The following TRMT9B variants were observed in gnomAD, a reference collection of about 807,000 sequenced individuals.
The protein encoded by TRMT9B is probable tRNA methyltransferase 9B.
In TRMT9B, 16 loss-of-function variants were observed where a neutral mutation model predicts 11.5. That is an observed-to-expected ratio of 1.39 (90% CI 0.94 to 2.11). TRMT9B has a LOEUF of 2.11. Among genes scored for constraint, TRMT9B ranks in the 30% most tolerant of loss-of-function variants. The probability of loss-of-function intolerance (pLI) is 0.00; values close to 1 mark genes in which losing one functional copy is unlikely to be tolerated. For missense variants in TRMT9B, 941 were observed against 553.8 expected, an observed-to-expected ratio of 1.70 and a Z score of -7.02; for synonymous variants, 274 against 192.4, an observed-to-expected ratio of 1.42 and a Z score of -3.51.
rs34578022 is a variant in TRMT9B at position 12,976,368 on chromosome 8, CT to C, written c.-199-14454del. ...GTAATAGGGCATTGTTTATGCTTTA[CT>C]TTTTTTTTTTTCACTATAAAGTGAA... On this transcript the variant is annotated intron_variant, in intron 1 of 4. Transcript: ENST00000524591. 6.5e-3 allele frequency among the ~76,000 whole-genome samples: 973 copies of C among 149,530 alleles called. 10 individuals carry two copies. The highest frequency in any genetic ancestry group is 0.021 in the African/African-American group (860 of 40,726).
Position 13,012,830 on chromosome 8 carries a change from G to T in TRMT9B, c.301G>T (p.Gly101Cys). 1 of 1,613,848 alleles carries T rather than the reference G, an allele frequency of 6.2e-7. No homozygotes were observed. Among genetic ancestry groups the T allele is most frequent in the East Asian group, 2.2e-5 (1 of 44,858 alleles). ...CCTTAATCTCCCCTTTAGGGATGAG[G>T]GCTTCGATGCCATCATCTCCATAGG... ...DNLNLPFRDE[G>C]FDAIISIGVI... The change falls in exon 4 of 5, where the codon GGC becomes TGC. Residue 101 changes from glycine (G) to cysteine (C), a missense_variant. By Grantham distance (159) the Gly-to-Cys change is radical (BLOSUM62 -3). Coordinates refer to ENST00000524591, the MANE Select transcript of TRMT9B (RefSeq NM_020844.3).
At chr8:13,003,935 A>G (rs1189564662) in intron 2 of TRMT9B, among the ~76,000 whole-genome samples, 1 of 151,404 alleles carries the variant, frequency 6.6e-6, no homozygotes, top group Non-Finnish European at 1.5e-5. Context: ...TGCCCATGCC[A>G]TCCCTCCTCC....
intron 1 of TRMT9B, among the ~76,000 whole-genome samples, chr8:12,971,400 G>A (rs1205757129): frequency 6.6e-6 from 1 of 152,126 alleles, no homozygotes; most frequent in Non-Finnish European, 1.5e-5. Context: ...TCCCGGTACA[G>A]CATTTTTTCA....
intron 1 of TRMT9B, chr8:12,960,580 G>A (rs1451057403): frequency 6.6e-6 from 1 of 152,136 alleles, no homozygotes; most frequent in Non-Finnish European, 1.5e-5. Flanking sequence ...TAGGTGAATG[G>A]ATAAACAAAT....
chr8:13,013,143 C>T (rs150758823), intron 4 of TRMT9B, among the ~76,000 whole-genome samples: 3 of 152,154 alleles, frequency 2.0e-5, no homozygotes, highest in African/African-American at 4.8e-5. Flanking sequence ...GAATCTTACT[C>T]ATTGAAAATA....
In TRMT9B at chr8:13,027,297, T is replaced by C. The variant is rs1470641114; in HGVS notation, c.*5253T>C. 6.0e-6 allele frequency: 1 copy of C among 167,034 alleles called. No homozygotes were observed. The highest frequency in any genetic ancestry group is 1.5e-5 in the Non-Finnish European group (1 of 68,134). 10.3% of individuals were successfully genotyped at this position (167,034 alleles called of 1,614,324 possible). A position where few individuals can be genotyped will look rare whatever the true frequency, so the allele number is the denominator to read the frequency against. ...TTCTTCGTATTCCCTGTGTGCCTATTACCAAGTTATATTGTTTAGTTTGAG... is the reference window on the plus strand; with the variant it reads ...TTCTTCGTATTCCCTGTGTGCCTATCACCAAGTTATATTGTTTAGTTTGAG... On this transcript the variant is annotated 3_prime_UTR_variant, in exon 5 of 5. Coordinates refer to ENST00000524591, the MANE Select transcript of TRMT9B (RefSeq NM_020844.3).
chr8:12,988,314 T>A (rs1334828007), intron 1 of TRMT9B, among the ~76,000 whole-genome samples: 1 of 152,198 alleles, frequency 6.6e-6, no homozygotes, highest in African/African-American at 2.4e-5. Flanking sequence ...ATAAGGGGTA[T>A]TGACATTGTG....
At chr8:12,981,483 G>T (rs1378366714) in intron 1 of TRMT9B, among the ~76,000 whole-genome samples, 1 of 152,200 alleles carries the variant, frequency 6.6e-6, no homozygotes. Flanking sequence ...TAGGACTTGA[G>T]TGTGACGGCA....
Position 13,006,186 on chromosome 8 carries a change from G to C in TRMT9B, c.-1-16G>C. 1.9e-6 allele frequency: 3 copies of C among 1,613,240 alleles called. No homozygotes were observed. The highest frequency in any genetic ancestry group is 2.5e-6 in the Non-Finnish European group (3 of 1,179,466). Reference sequence around the variant, plus strand: ...AGGCTGACCTGCATGCCTTGGGTTGGTCCTGTTTTCTCCAGGATGGATCAT... The same window carrying C: ...AGGCTGACCTGCATGCCTTGGGTTGCTCCTGTTTTCTCCAGGATGGATCAT... On this transcript the variant is annotated splice_polypyrimidine_tract_variant and intron_variant, in intron 2 of 4. Transcript: ENST00000524591.
chr8:12,988,156 G>A (rs963659696), intron 1 of TRMT9B, among the ~76,000 whole-genome samples: 1 of 151,820 alleles, frequency 6.6e-6, no homozygotes, highest in Non-Finnish European at 1.5e-5. Flanking sequence ...TTTTCACCTG[G>A]CTGACCCCAC....
At chr8:12,988,153 C>T (rs949336461) in intron 1 of TRMT9B, among the ~76,000 whole-genome samples, 17 of 152,206 alleles carry the variant, frequency 1.1e-4, no homozygotes, top group African/African-American at 3.6e-4. Context: ...TCCTTTTCAC[C>T]TGGCTGACCC....
intron 1 of TRMT9B, among the ~76,000 whole-genome samples, chr8:12,946,188 G>T (rs1475535065): frequency 6.6e-6 from 1 of 152,160 alleles, no homozygotes; most frequent in Non-Finnish European, 1.5e-5. Flanking sequence ...TCTAGATCAA[G>T]AACTGATACA....
Position 13,028,569 on chromosome 8 carries a change from C to CT in TRMT9B, c.*6529dup. The CT allele has an allele frequency of 9.2e-6, 1 of 108,678 alleles. No homozygotes were observed. 6.7% of individuals were successfully genotyped at this position (108,678 alleles called of 1,614,324 possible). On this transcript the variant is annotated 3_prime_UTR_variant, in exon 5 of 5. Coordinates refer to ENST00000524591, the MANE Select transcript of TRMT9B (RefSeq NM_020844.3). The stretch of plus-strand genomic sequence containing the variant: ...TAAGTGATAAGCACTTTTCTCTTTT[C>CT]TTTTCTTTTTTTTTTTTTTTTTTTG...
chr8:12,946,712 A>G (rs1208236167), intron 1 of TRMT9B, among the ~76,000 whole-genome samples: 1 of 152,200 alleles, frequency 6.6e-6, no homozygotes, highest in African/African-American at 2.4e-5. Flanking sequence ...GATTATATAG[A>G]GAGAAAAGCA....
intron 1 of TRMT9B, among the ~76,000 whole-genome samples, chr8:12,976,100 A>G (rs564017945): frequency 1.3e-5 from 2 of 152,328 alleles, no homozygotes; most frequent in Admixed American, 6.5e-5. Context: ...GCCCCAGGGA[A>G]GCTCCACCAT....
chr8:12,961,377 C>T (rs185237271), intron 1 of TRMT9B, among the ~76,000 whole-genome samples: 2 of 151,892 alleles, frequency 1.3e-5, no homozygotes, highest in Admixed American at 1.3e-4. Context: ...TAAGAAATAC[C>T]TCACTTGATG....
intron 1 of TRMT9B, among the ~76,000 whole-genome samples, chr8:12,972,550 G>C (rs560419891): frequency 1.3e-5 from 2 of 152,260 alleles, no homozygotes; most frequent in African/African-American, 4.8e-5. Flanking sequence ...GAGAGGAGCC[G>C]GTCCCCTCTC....
At chr8:12,990,807 A>T (rs917171720) in intron 1 of TRMT9B, 27 bp from the exon 2 acceptor site, 1 of 1,277,018 alleles carries the variant, frequency 7.8e-7, no homozygotes, top group African/African-American at 1.5e-5. Flanking sequence ...GTGAAATGAC[A>T]TTTAGTATTT....
Position 12,983,909 on chromosome 8 carries a change from A to G in TRMT9B, c.-199-6925A>G, listed in dbSNP as rs139073997. ...GTTGTGCTGCTTGGCTACCCTGAAC[A>G]CTTTTTTTAAAAAACTGTATTAATG... On this transcript the variant is annotated intron_variant, in intron 1 of 4. Transcript: ENST00000524591. 2.1e-4 allele frequency among the ~76,000 whole-genome samples: 32 copies of G among 152,224 alleles called. No individual in the cohort carries two copies. The East Asian group carries it at 4.8e-3, about 23-fold the overall frequency.
Sources: allele counts gnomAD v4.1 joint callset (sites outside exome capture counted in the v4.1 genomes callset), GRCh38; gene constraint gnomAD v4.1.1; transcripts MANE v1.5; gene names NCBI Gene and HGNC (gene_info 2026-07-23, HGNC 2026-07-21).